The following KCNN3 variants were observed in gnomAD, a reference collection of about 807,000 sequenced individuals.
The protein encoded by KCNN3 is potassium calcium-activated channel subfamily N member 3, also known as small conductance calcium-activated potassium channel protein 3.
KCNN3 carries 16 observed loss-of-function variants against 62.9 expected under a neutral mutation model. The ratio of observed to expected loss-of-function variants is 0.25; its 90% CI spans 0.17 to 0.39. The LOEUF is 0.39. KCNN3 is among the 10% of genes least tolerant of loss of function. The pLI, the probability that KCNN3 is intolerant of heterozygous loss-of-function variation, is 1.00. For missense variants in KCNN3, 599 were observed against 949.4 expected (o/e 0.63, Z 4.85); for synonymous variants, 370 against 389.2 (o/e 0.95, Z 0.58).
chr1:154,786,664 G>T (rs907099872), intron 2 of KCNN3, among the ~76,000 whole-genome samples: 2 of 152,118 alleles, frequency 1.3e-5, no homozygotes, highest in African/African-American at 4.8e-5. Flanking sequence ...ACACACAAAA[G>T]GTGCATTAAT....
chr1:154,846,077 G>A (rs1467653171), intron 1 of KCNN3, among the ~76,000 whole-genome samples: 1 of 152,190 alleles, frequency 6.6e-6, no homozygotes, highest in Non-Finnish European at 1.5e-5. Context: ...CCAGCTGGCA[G>A]CGGCTGCCCT....
In KCNN3 at chr1:154,713,447, C is replaced by T; in HGVS notation, c.1899+17G>A. The T allele has an allele frequency of 6.2e-7, 1 of 1,606,316 alleles. No individual in the cohort carries two copies. Among genetic ancestry groups the T allele is most frequent in the Non-Finnish European group, 8.5e-7 (1 of 1,172,990 alleles). On this transcript the variant is annotated intron_variant, in intron 7 of 7. Coordinates refer to ENST00000271915, the MANE Select transcript of KCNN3 (RefSeq NM_002249.6). ...GTCTGCGTGTTCTAGGGGATGTCTC[C>T]AGACACTGCCACTCACCTTGGAAAG...
chr1:154,770,049 C>T (rs1257696608), intron 3 of KCNN3, among the ~76,000 whole-genome samples: 5 of 152,194 alleles, frequency 3.3e-5, no homozygotes, highest in Non-Finnish European at 5.9e-5. Flanking sequence ...AGTTTGGGGT[C>T]GGAACCCAAG....
At chr1:154,715,166 G>C (rs1042486621) in intron 5 of KCNN3, among the ~76,000 whole-genome samples, 163 bp from the exon 6 acceptor site, 2 of 152,196 alleles carry the variant, frequency 1.3e-5, no homozygotes, top group Middle Eastern at 3.4e-3. Context: ...GGCCGGGCAC[G>C]GTGGCTCCCG....
At chr1:154,727,334 CTTACAA>C (rs1700491600) in intron 4 of KCNN3, among the ~76,000 whole-genome samples, 1 of 152,192 alleles carries the variant, frequency 6.6e-6, no homozygotes, top group South Asian at 2.1e-4. Flanking sequence ...CTCATCAGGT[CTTACAA>C]AATGTGTGAG....
intron 2 of KCNN3, among the ~76,000 whole-genome samples, chr1:154,800,237 G>A (rs1473615008): frequency 6.6e-6 from 1 of 152,184 alleles, no homozygotes; most frequent in African/African-American, 2.4e-5. Flanking sequence ...GCCACAGTCT[G>A]GAATCATGAG....
intron 2 of KCNN3, among the ~76,000 whole-genome samples, chr1:154,802,433 C>A (rs1010232810): frequency 1.4e-4 from 22 of 152,184 alleles, no homozygotes; most frequent in African/African-American, 4.6e-4. Context: ...GATCTATTCT[C>A]ACCCCAGGTG....
In KCNN3 at chr1:154,708,223, T is replaced by A. The variant is rs761396508; in HGVS notation, c.1949A>T (p.Glu650Val). 1.9e-6 allele frequency: 3 copies of A among 1,613,900 alleles called. No individual in the cohort carries two copies. Among genetic ancestry groups the A allele is most frequent in the Non-Finnish European group, 2.5e-6 (3 of 1,179,970 alleles). ...DLITELNDRS[E>V]DLEKQIGSLE... Reference sequence around the variant, plus strand: ...GCTGCCAATCTGCTTCTCCAGGTCTTCGCTCCGGTCATTGAGTTCTGTGAT... The same window carrying A: ...GCTGCCAATCTGCTTCTCCAGGTCTACGCTCCGGTCATTGAGTTCTGTGAT... The change falls in exon 8 of 8, where the codon GAA (glutamate) becomes GTA (valine). Residue 650 changes from glutamate (E) to valine (V), a missense_variant. Glu to Val is a moderately radical substitution (Grantham distance 121). Around this residue, in one of 7 missense-constraint regions of KCNN3, gnomAD observed 288 missense variants for 557.4 expected, o/e 0.52. Coordinates refer to ENST00000271915, the MANE Select transcript of KCNN3 (RefSeq NM_002249.6).
chr1:154,806,084 ACT>A (rs1443086220), intron 2 of KCNN3, among the ~76,000 whole-genome samples: 2 of 152,028 alleles, frequency 1.3e-5, no homozygotes. Context: ...CTACTTCCAG[ACT>A]CTATTCATGA....
rs748710722 is a variant in KCNN3 at position 154,725,545 on chromosome 1, C to CTT, written c.1701+369_1701+370dup. Among the ~76,000 whole-genome samples the CTT allele has an allele frequency of 8.1e-5, 11 of 136,218 alleles. 2 individuals carry two copies. The highest frequency in any genetic ancestry group is 1.1e-4 in the African/African-American group (4 of 36,546). 89.4% of individuals were successfully genotyped at this position (136,218 alleles called of 152,430 possible). On this transcript the variant is annotated intron_variant, in intron 5 of 7. Transcript: ENST00000271915. Reference sequence around the variant, plus strand: ...TGACCATTTGCTTCCTTCCTTCCTTCTTTTTTTTTTTTTTTTGAGATGGAA... The same window carrying CTT: ...TGACCATTTGCTTCCTTCCTTCCTTCTTTTTTTTTTTTTTTTTTGAGATGGAA...
chr1:154,774,653 C>T (rs908585715), intron 2 of KCNN3, among the ~76,000 whole-genome samples: 2 of 152,244 alleles, frequency 1.3e-5, no homozygotes, highest in Non-Finnish European at 2.9e-5. Flanking sequence ...CTGGCTGTTG[C>T]CTGTCCCAGC....
intron 4 of KCNN3, among the ~76,000 whole-genome samples, chr1:154,730,464 T>C (rs1171152248): frequency 6.6e-6 from 1 of 152,042 alleles, no homozygotes; most frequent in Non-Finnish European, 1.5e-5. Context: ...GCAATAATAA[T>C]TGGGAGCTAT....
rs1246940326 is a variant in KCNN3, at chr1:154,758,979, T to G, written c.1448+12996A>C. Among the ~76,000 whole-genome samples the G allele has an allele frequency of 3.3e-5, 5 of 152,228 alleles. No individual in the cohort carries two copies. The East Asian group carries it at 7.7e-4, about 23-fold the overall frequency. Reference sequence around the variant, plus strand: ...CTCACCACCACACTGGGCTAATTTTTGTATTTTTAATAGAGACAGCGTTTC... The same window carrying G: ...CTCACCACCACACTGGGCTAATTTTGGTATTTTTAATAGAGACAGCGTTTC... On this transcript the variant is annotated intron_variant, in intron 3 of 7. Coordinates refer to ENST00000271915, the MANE Select transcript of KCNN3 (RefSeq NM_002249.6).
intron 3 of KCNN3, among the ~76,000 whole-genome samples, chr1:154,752,913 C>G (rs371746800): frequency 4.6e-5 from 7 of 152,308 alleles, no homozygotes; most frequent in Admixed American, 3.3e-4. Flanking sequence ...CTTGACTAGG[C>G]TCCGAGCACC....
intron 1 of KCNN3, among the ~76,000 whole-genome samples, chr1:154,823,569 G>T (rs1308217133): frequency 6.6e-6 from 1 of 152,214 alleles, no homozygotes; most frequent in African/African-American, 2.4e-5. Flanking sequence ...CTGACTCGCA[G>T]TACAGAGCAC....
intron 2 of KCNN3, among the ~76,000 whole-genome samples, chr1:154,782,379 A>T (rs1305599072): frequency 6.6e-6 from 1 of 152,236 alleles, no homozygotes; most frequent in Admixed American, 6.5e-5. Flanking sequence ...GGAGGCTGGA[A>T]GTCTGAGATC....
At chr1:154,757,779 C>T (rs2101823075) in intron 3 of KCNN3, among the ~76,000 whole-genome samples, 1 of 152,258 alleles carries the variant, frequency 6.6e-6, no homozygotes, top group African/African-American at 2.4e-5. Context: ...AGTCCTGTGA[C>T]AATGGTTGAG....
chr1:154,737,008 G>A (rs1039069897), intron 3 of KCNN3: 12 of 701,638 alleles, frequency 1.7e-5, no homozygotes, highest in Admixed American at 6.0e-5. Flanking sequence ...GTGGCTTGGA[G>A]CTTCGTCATG....
At chr1:154,733,717 G>A (rs1700649250) in intron 3 of KCNN3, among the ~76,000 whole-genome samples, 1 of 152,140 alleles carries the variant, frequency 6.6e-6, no homozygotes, top group Admixed American at 6.5e-5. Flanking sequence ...CTCCCTTTCT[G>A]AGTCAGACAG....
Sources: gnomAD v4.1 joint callset for allele counts (sites outside exome capture counted in the v4.1 genomes callset) on GRCh38, gnomAD v4.1.1 for gene constraint, gnomAD v4.1.1 regional missense constraint, MANE v1.5 for transcripts, NCBI Gene and HGNC (gene_info 2026-07-23, HGNC 2026-07-21) for gene names.